GNPTAB: variants seen among roughly 807,000 people sequenced by gnomAD.
GNPTAB encodes N-acetylglucosamine-1-phosphotransferase subunits alpha/beta.
GNPTAB carries 92 observed loss-of-function variants against 136.6 expected under a neutral mutation model. The observed-to-expected ratio is 0.67, with a 90% CI of 0.57 to 0.80. The LOEUF is 0.80. Ranked by LOEUF, GNPTAB falls within the 30% of genes least tolerant of loss-of-function variation. The pLI, the probability that GNPTAB is intolerant of heterozygous loss-of-function variation, is 0.00. For missense variants in GNPTAB, 1,343 were observed against 1,501.8 expected (o/e 0.89, Z 1.75); for synonymous variants, 512 against 535.1 (o/e 0.96, Z 0.60).
At chr12:101,796,010 C>T (rs1869260782) in intron 2 of GNPTAB, 5 of 439,540 alleles carry the variant, frequency 1.1e-5, no homozygotes, top group Admixed American at 4.0e-5. Flanking sequence ...TCCAGAATGG[C>T]GGCACTAAGA....
intron 7 of GNPTAB, among the ~76,000 whole-genome samples, chr12:101,775,404 GGCTGGAGT>G (rs1173529852): frequency 2.1e-5 from 3 of 146,096 alleles, no homozygotes; most frequent in Non-Finnish European, 4.4e-5. Flanking sequence ...TCTGTCGCCA[GGCTGGAGT>G]GCAGTAGCAC....
At chr12:101,779,811 C>T (rs1422325959) in intron 7 of GNPTAB, 2 of 326,762 alleles carry the variant, frequency 6.1e-6, no homozygotes, top group Non-Finnish European at 1.2e-5. Flanking sequence ...ATTGTAGGAG[C>T]TCGTCTACGG....
At chr12:101,757,177 T>C (rs372300988) in intron 18 of GNPTAB, 35 bp downstream of exon 18, 11 of 1,115,344 alleles carry the variant, frequency 9.9e-6, no homozygotes, top group East Asian at 7.3e-5. Context: ...TCAGGTTTAT[T>C]TGCATAATTA....
intron 1 of GNPTAB, among the ~76,000 whole-genome samples, chr12:101,825,121 T>C (rs10745925): frequency 0.28 from 42,907 of 152,154 alleles, 6,587 homozygotes; most frequent in East Asian, 0.61. Context: ...TGTTGTGTAC[T>C]AACTCAGGCA....
chr12:101,786,250 A>C (rs764463982), intron 4 of GNPTAB, 33 bp from the exon 5 acceptor site: 3 of 1,536,914 alleles, frequency 2.0e-6, no homozygotes, highest in Non-Finnish European at 2.7e-6. Context: ...TTACAATTAC[A>C]TTCTTGAAAT....
intron 13 of GNPTAB, 26 bp from the exon 14 acceptor site, chr12:101,761,789 T>G: frequency 6.6e-7 from 1 of 1,523,982 alleles, no homozygotes. Flanking sequence ...TACATGTAAC[T>G]CAGCATTATG....
chr12:101,762,413 T>C (rs1350398601), intron 13 of GNPTAB, among the ~76,000 whole-genome samples: 2 of 152,184 alleles, frequency 1.3e-5, no homozygotes, highest in African/African-American at 2.4e-5. Flanking sequence ...TTTGTGGAAA[T>C]ATGAAGTGGT....
At chr12:101,801,539 CAAA>C (rs36066248) in intron 1 of GNPTAB, among the ~76,000 whole-genome samples, 3 of 42,594 alleles carry the variant, frequency 7.0e-5, no homozygotes, top group African/African-American at 1.4e-4. Flanking sequence ...GACCCTGTCT[CAAA>C]AAAAAAAAAA....
At chr12:101,766,375 C>T (rs1416539449) in intron 11 of GNPTAB, 81 bp from the exon 12 acceptor site, 16 of 1,214,062 alleles carry the variant, frequency 1.3e-5, no homozygotes, top group East Asian at 4.7e-5. Flanking sequence ...TGGTGGCTGA[C>T]GCCTGTAATC....
At chr12:101,760,229 C>T in intron 15 of GNPTAB, 86 bp from the exon 16 acceptor site, 1 of 862,714 alleles carries the variant, frequency 1.2e-6, no homozygotes, top group Non-Finnish European at 2.0e-6. Flanking sequence ...TGAAAGCTTC[C>T]AAAAATGGTT....
intron 1 of GNPTAB, among the ~76,000 whole-genome samples, chr12:101,811,529 G>A (rs1046600986): frequency 3.9e-5 from 6 of 152,000 alleles, no homozygotes; most frequent in African/African-American, 1.5e-4. Context: ...AGCGTTTCTG[G>A]GAGACCTCAG....
rs185842959 is a variant in GNPTAB, at chr12:101,768,814, A to C, written c.1285-654T>G. ...TCTTTTTTAACCTAAACTAATTCTTACTTGTTCTTCTCAGTACATGTCAAT... is the reference window on the plus strand; with the variant it reads ...TCTTTTTTAACCTAAACTAATTCTTCCTTGTTCTTCTCAGTACATGTCAAT... On this transcript the variant is annotated intron_variant, in intron 10 of 20. Coordinates refer to ENST00000299314, the MANE Select transcript of GNPTAB (RefSeq NM_024312.5). Among the ~76,000 whole-genome samples, 7 of 152,312 alleles carry C rather than the reference A, an allele frequency of 4.6e-5. No homozygotes were observed. In the East Asian group the frequency reaches 1.3e-3, roughly 29 times the overall value.
chr12:101,753,040 G>T (rs557539463), intron 19 of GNPTAB, among the ~76,000 whole-genome samples: 1 of 152,060 alleles, frequency 6.6e-6, no homozygotes, highest in Non-Finnish European at 1.5e-5. Context: ...ATCACCTGAG[G>T]TCAGGAGTTC....
intron 1 of GNPTAB, among the ~76,000 whole-genome samples, chr12:101,798,038 C>T (rs1869400087): frequency 1.3e-5 from 2 of 152,140 alleles, no homozygotes; most frequent in Non-Finnish European, 2.9e-5. Context: ...TTTTCTGTCC[C>T]TTTCAAGGTC....
intron 2 of GNPTAB, among the ~76,000 whole-genome samples, chr12:101,793,114 C>T (rs957968349): frequency 2.0e-5 from 3 of 152,048 alleles, no homozygotes; most frequent in Non-Finnish European, 2.9e-5. Flanking sequence ...TACCTAGGGC[C>T]TAGAATAGTT....
intron 2 of GNPTAB, among the ~76,000 whole-genome samples, chr12:101,795,054 A>T (rs1869201489): frequency 6.6e-6 from 1 of 152,368 alleles, no homozygotes; most frequent in Admixed American, 6.5e-5. Context: ...TTAAAATGTT[A>T]ATCAATTTAG....
intron 13 of GNPTAB, among the ~76,000 whole-genome samples, chr12:101,762,392 GT>G (rs1475519120): frequency 1.3e-4 from 20 of 152,300 alleles, no homozygotes; most frequent in African/African-American, 4.6e-4. Context: ...AACAAGCACT[GT>G]TGTATACTGT....
chr12:101,751,329 A>G (rs1461447802), intron 19 of GNPTAB, among the ~76,000 whole-genome samples: 2 of 152,186 alleles, frequency 1.3e-5, no homozygotes, highest in Admixed American at 1.3e-4. Context: ...CACCAGCTGC[A>G]CTGAACTCTT....
At chr12:101,776,799 C>A (rs1205689245) in intron 7 of GNPTAB, among the ~76,000 whole-genome samples, 1 of 152,214 alleles carries the variant, frequency 6.6e-6, no homozygotes, top group Non-Finnish European at 1.5e-5. Context: ...CAGTACCTGT[C>A]CTGAGATACC....
Sources: gnomAD v4.1 joint callset for allele counts (sites outside exome capture counted in the v4.1 genomes callset) on GRCh38, gnomAD v4.1.1 for gene constraint, MANE v1.5 for transcripts, NCBI Gene and HGNC (gene_info 2026-07-23, HGNC 2026-07-21) for gene names.